Variants in GPR55 observed in about 807,000 individuals in gnomAD.
The protein encoded by GPR55 is G protein-coupled receptor 55, also known as G-protein coupled receptor 55.
Under a neutral mutation model 7.9 loss-of-function variants are expected in GPR55, and 6 were observed. The observed-to-expected ratio is 0.76, with a 90% confidence interval of 0.41 to 1.49. The LOEUF (loss-of-function observed/expected upper bound fraction) is 1.49. GPR55 is among the 40% of genes most tolerant of loss of function. GPR55 has a pLI of 0.01. For missense variants in GPR55, 376 were observed against 406.0 expected (o/e 0.93, Z 0.63); for synonymous variants, 183 against 166.8 (o/e 1.10, Z -0.75).
intron 1 of GPR55, among the ~76,000 whole-genome samples, chr2:230,932,044 C>G (rs1452927077): frequency 6.6e-6 from 1 of 152,200 alleles, no homozygotes; most frequent in Admixed American, 6.5e-5. Context: ...CCCCAGACAG[C>G]CTGGCCTCCA....
chr2:230,954,687 G>A (rs1691454616), intron 1 of GPR55, among the ~76,000 whole-genome samples: 1 of 152,058 alleles, frequency 6.6e-6, no homozygotes, highest in African/African-American at 2.4e-5. Context: ...TCACCCTGTT[G>A]TGCTATCAAA....
chr2:230,928,896 G>A (rs904994047), upstream of GPR55, among the ~76,000 whole-genome samples: 23 of 152,202 alleles, frequency 1.5e-4, no homozygotes, highest in Non-Finnish European at 3.2e-4. Flanking sequence ...AAAGGGTTGA[G>A]CTCCAAGAGC....
rs1042817981 is a variant in GPR55, at chr2:230,924,981, G to A, written c.-135+187C>T. Among the ~76,000 whole-genome samples, 3 of 152,128 alleles carry A rather than the reference G, an allele frequency of 2.0e-5. No homozygotes were observed. The highest frequency in any genetic ancestry group is 2.9e-5 in the Non-Finnish European group (2 of 68,032). ...GTCTGCCTGCCGCTGCTGCTGTCAC[G>A]GAGGCTGCCTGGAGGCTGCCGCTGC... On this transcript the variant is annotated intron_variant, in intron 1 of 1. Coordinates refer to ENST00000650999, the MANE Select transcript of GPR55 (RefSeq NM_005683.4). The surrounding 1 kb of genome is among the most constrained non-coding windows in gnomAD (Gnocchi z 4.5).
At chr2:230,911,770 C>T (rs1376546856) in intron 1 of GPR55, among the ~76,000 whole-genome samples, 1 of 152,088 alleles carries the variant, frequency 6.6e-6, no homozygotes, top group Non-Finnish European at 1.5e-5. Context: ...TGGAGCGGGG[C>T]CCTGAGGTCT....
intron 1 of GPR55, among the ~76,000 whole-genome samples, chr2:230,933,764 C>T (rs1398534108): frequency 6.6e-6 from 1 of 152,120 alleles, no homozygotes; most frequent in East Asian, 1.9e-4. Flanking sequence ...GGAGGCAGGG[C>T]GGGGGCTCCC....
Position 230,924,175 on chromosome 2 carries a change from G to C in GPR55, c.-135+993C>G, listed in dbSNP as rs753505931. Among the ~76,000 whole-genome samples, 1 of 152,184 alleles carries C rather than the reference G, an allele frequency of 6.6e-6. No homozygotes were observed. The highest frequency in any genetic ancestry group is 1.5e-5 in the Non-Finnish European group (1 of 68,026). On this transcript the variant is annotated intron_variant, in intron 1 of 1. Transcript: ENST00000650999. This position sits in a 1 kb window ranked among gnomAD's most constrained non-coding sequence, Gnocchi z 4.5. ...TCACATACAGTTTGTCGTTGGGAAG[G>C]TCTTATTGCATGAAAGAGGGGGTGA...
rs142108506 is a variant in GPR55 at position 230,938,302 on chromosome 2, G to A, written c.-135+22473C>T. Among the ~76,000 whole-genome samples, 160 of 150,522 alleles carry A rather than the reference G, an allele frequency of 1.1e-3. 2 individuals are homozygous for A. Among genetic ancestry groups the A allele is most frequent in the African/African-American group, 3.5e-3 (144 of 41,106 alleles). On this transcript the variant is annotated intron_variant, in intron 1 of 1. Transcript: ENST00000392039. Reference sequence around the variant, plus strand: ...AGGCCATCAGAGTGGGCTTTATATGGAATCAATTTCCTTTAAAAGATGATG... The same window carrying A: ...AGGCCATCAGAGTGGGCTTTATATGAAATCAATTTCCTTTAAAAGATGATG...
rs1992186 is a variant in GPR55, at chr2:230,910,582, T to C, written c.381A>G (p.Leu127=). 1 of 1,613,706 alleles carries C rather than the reference T, an allele frequency of 6.2e-7. No homozygotes were observed. The highest frequency in any genetic ancestry group is 1.7e-5 in the Admixed American group (1 of 59,994). Residue 127 remains leucine, a synonymous_variant, in exon 2 of 2, where the codon CTA becomes CTG. Transcript: ENST00000650999. This position sits in a 1 kb window ranked among gnomAD's most constrained non-coding sequence, Gnocchi z 5.4. ...TGGGGGACCGGAGGTGGCTCACCAG[T>C]AGCGGGTAACGGATGGCCAAGAACC... ...MDRFLAIRYP[L]LVSHLRSPRK...
intron 1 of GPR55, among the ~76,000 whole-genome samples, chr2:230,914,500 C>T (rs762289230): frequency 3.9e-5 from 6 of 152,056 alleles, no homozygotes; most frequent in Admixed American, 6.6e-5. Flanking sequence ...TCCAAGGAAA[C>T]CATCTTTTTA....
At chr2:230,958,785 T>C (rs925506456) in intron 1 of GPR55, among the ~76,000 whole-genome samples, 11 of 152,344 alleles carry the variant, frequency 7.2e-5, no homozygotes, top group Middle Eastern at 3.4e-3. Context: ...AAATATCCCA[T>C]ACCCAAGGAC....
chr2:230,912,086 C>T (rs949480839), intron 1 of GPR55, among the ~76,000 whole-genome samples: 1 of 152,192 alleles, frequency 6.6e-6, no homozygotes, highest in African/African-American at 2.4e-5. Context: ...TTCTCACCCA[C>T]TCTTCCCTCT....
chr2:230,940,525 G>A (rs1320982510), intron 1 of GPR55, among the ~76,000 whole-genome samples: 3 of 152,188 alleles, frequency 2.0e-5, no homozygotes, highest in Admixed American at 1.3e-4. Context: ...CGTCATTCTG[G>A]ACCCTGACAC....
chr2:230,944,490 T>C lies in GPR55; in HGVS notation c.-135+16285A>G, dbSNP rs1311103013. On this transcript the variant is annotated intron_variant, in intron 1 of 1. Coordinates refer to the GPR55 transcript ENST00000392039. The surrounding 1 kb of genome is among the most constrained non-coding windows in gnomAD (Gnocchi z 4.2). ...CATCGCTGGTTAGTTCAGAGGGAAA[T>C]GTCCACAACAGAGATGACTGTGACA... Among the ~76,000 whole-genome samples, 1 of 152,100 alleles carries C rather than the reference T, an allele frequency of 6.6e-6. No homozygotes were observed. Among genetic ancestry groups the C allele is most frequent in the Non-Finnish European group, 1.5e-5 (1 of 68,020 alleles).
rs1441790342 is a variant in GPR55 at position 230,909,868 on chromosome 2, C to T, written c.*135G>A. ...TGGGGTATAATGAGCAAAGCTGGCA[C>T]TCAATGGGCATCAAAGGGAAGCACA... On this transcript the variant is annotated 3_prime_UTR_variant, in exon 2 of 2. Coordinates refer to ENST00000650999, the MANE Select transcript of GPR55 (RefSeq NM_005683.4). 1.1e-6 allele frequency: 1 copy of T among 909,388 alleles called. No individual in the cohort carries two copies. The highest frequency in any genetic ancestry group is 1.7e-5 in the African/African-American group (1 of 60,134). 56.3% of individuals were successfully genotyped at this position (909,388 alleles called of 1,614,324 possible).
intron 1 of GPR55, among the ~76,000 whole-genome samples, chr2:230,960,134 G>A (rs894670148): frequency 7.9e-5 from 12 of 152,292 alleles, no homozygotes; most frequent in Middle Eastern, 3.4e-3. Context: ...CTGATGACCC[G>A]TTGTCCCAGA....
Position 230,910,099 on chromosome 2 carries a change from G to A in GPR55, c.864C>T (p.Tyr288=). Residue 288 remains tyrosine (Y), a synonymous_variant, in exon 2 of 2, where the codon TAC becomes TAT. Coordinates refer to ENST00000650999, the MANE Select transcript of GPR55 (RefSeq NM_005683.4). The surrounding 1 kb of genome is among the most constrained non-coding windows in gnomAD (Gnocchi z 5.4). ...NVNCCLDVFC[Y]YFVIKEFRMN... ...TGCGGAATTCTTTGATGACAAAGTA[G>A]TAGCAGAAAACATCCAGGCAGCAGT... 2 of 1,614,164 alleles carry A rather than the reference G, an allele frequency of 1.2e-6. No individual in the cohort carries two copies. Among genetic ancestry groups the A allele is most frequent in the Non-Finnish European group, 1.7e-6 (2 of 1,180,006 alleles).
upstream of GPR55, among the ~76,000 whole-genome samples, chr2:230,929,014 T>C (rs1690989023): frequency 6.6e-6 from 1 of 152,128 alleles, no homozygotes. Flanking sequence ...ACTTCTTTAT[T>C]TTATTTTATT....
intron 1 of GPR55, among the ~76,000 whole-genome samples, chr2:230,953,435 G>A (rs562620747): frequency 2.0e-5 from 3 of 152,130 alleles, no homozygotes; most frequent in South Asian, 2.1e-4. Flanking sequence ...GTTTGAAGAC[G>A]GAAGAAGGGG....
Position 230,908,555 on chromosome 2 carries a change from C to T in GPR55, c.*1448G>A, listed in dbSNP as rs1395499770. ...CTCCTCCCCACAGGTCCAGGTTTAT[C>T]CAAATGCTTCTCTTCTTCCCCTCAG... On this transcript the variant is annotated 3_prime_UTR_variant, in exon 2 of 2. Transcript: ENST00000650999. 6.5e-6 allele frequency: 1 copy of T among 154,274 alleles called. No individual in the cohort carries two copies. Among genetic ancestry groups the T allele is most frequent in the Non-Finnish European group, 1.4e-5 (1 of 69,110 alleles). The allele number at this position is 154,274 out of a possible 1,614,324, so 9.6% of individuals were successfully genotyped here.
Sources: gnomAD v4.1 joint callset for allele counts (sites outside exome capture counted in the v4.1 genomes callset) on GRCh38, gnomAD v4.1.1 for gene constraint, Gnocchi (gnomAD v3.1) non-coding constraint, MANE v1.5 for transcripts, NCBI Gene and HGNC (gene_info 2026-07-23, HGNC 2026-07-21) for gene names.